Variants in CASK observed in about 807,000 individuals in gnomAD.
CASK encodes peripheral plasma membrane protein CASK.
In CASK, 4 loss-of-function variants were observed where a neutral mutation model predicts 82.9. The observed-to-expected ratio is 0.05, with a 90% CI of 0.02 to 0.11. The LOEUF is 0.11. CASK is among the 10% of genes least tolerant of loss of function. The pLI, the probability that CASK is intolerant of heterozygous loss-of-function variation, is 1.00. For synonymous variants in CASK, 259 were observed against 253.5 expected, an observed-to-expected ratio of 1.02 and a Z score of -0.20; for missense variants, 358 against 720.9, an observed-to-expected ratio of 0.50 and a Z score of 5.76.
intron 1 of CASK, among the ~76,000 whole-genome samples, chrX:41,909,797 A>G (rs1415875697): frequency 3.6e-5 from 4 of 111,658 alleles, no homozygotes; most frequent in African/African-American, 1.3e-4. Flanking sequence ...AGTAGAGACG[A>G]GGTTTCACCA....
chrX:41,802,504 A>G (rs1215984387), intron 2 of CASK, among the ~76,000 whole-genome samples: 14 of 112,431 alleles, frequency 1.2e-4, no homozygotes, highest in African/African-American at 3.5e-4. Context: ...GAAATATTTT[A>G]AAGAATTTCT....
At chrX:41,888,838 T>C (rs937836428) in intron 1 of CASK, among the ~76,000 whole-genome samples, 4 of 107,294 alleles carry the variant, frequency 3.7e-5, no homozygotes, top group African/African-American at 1.4e-4. Flanking sequence ...TGTATATATA[T>C]GTGTGTGTGT....
chrX:41,559,483 C>T (rs1303602806), intron 18 of CASK: 6 of 299,935 alleles, frequency 2.0e-5, no homozygotes, highest in Non-Finnish European at 3.5e-5. Context: ...AGTTTTTTTC[C>T]CTCAGACACT....
At chrX:41,655,111 C>T (rs1044813372) in intron 8 of CASK, among the ~76,000 whole-genome samples, 2 of 109,593 alleles carry the variant, frequency 1.8e-5, no homozygotes, top group Non-Finnish European at 3.8e-5. Context: ...TTTTATGGAA[C>T]TGGATAATTA....
chrX:41,700,931 CAA>C (rs1215266415), intron 5 of CASK, among the ~76,000 whole-genome samples: 5 of 37,126 alleles, frequency 1.3e-4, no homozygotes, highest in African/African-American at 2.3e-4. Flanking sequence ...GACTCCGTCT[CAA>C]AAAAAAAAAA....
At chrX:41,564,273 A>G (rs1428000527) in intron 16 of CASK, among the ~76,000 whole-genome samples, 1 of 112,945 alleles carries the variant, frequency 8.9e-6, no homozygotes, top group Non-Finnish European at 1.9e-5. Flanking sequence ...AACTAAGAAT[A>G]TAAAGGAACT....
chrX:41,906,937 T>C (rs186526921), intron 1 of CASK, among the ~76,000 whole-genome samples: 2 of 113,057 alleles, frequency 1.8e-5, no homozygotes, highest in Admixed American at 9.3e-5. Flanking sequence ...TTCCAGTAGA[T>C]AGGTTGCCTT....
rs2067710860 is a variant in CASK at position 41,697,475 on chromosome X, A to T, written c.430-25945T>A. The stretch of plus-strand genomic sequence containing the variant: ...TAACATTGAACATGCATATTCTGTG[A>T]TCCAGCAAGTCATCTACAAGGTATA... On this transcript the variant is annotated intron_variant, in intron 5 of 26. Coordinates refer to ENST00000378163, the MANE Select transcript of CASK (RefSeq NM_001367721.1). 3 of 113,063 alleles carry T rather than the reference A, an allele frequency of 2.7e-5. No individual in the cohort carries two copies. In the South Asian group the frequency reaches 1.1e-3, roughly 41 times the overall value. 9.3% of individuals were successfully genotyped at this position (113,063 alleles called of 1,213,427 possible). A position where few individuals can be genotyped will look rare whatever the true frequency, so the allele number is the denominator to read the frequency against.
intron 1 of CASK, among the ~76,000 whole-genome samples, chrX:41,888,111 C>CA (rs750137981): frequency 2.6e-3 from 288 of 111,718 alleles, no homozygotes; most frequent in African/African-American, 8.9e-3. Context: ...ATAGCAGCCA[C>CA]AGGTAGCTCC....
intron 5 of CASK, among the ~76,000 whole-genome samples, chrX:41,732,961 T>C (rs1398015704): frequency 9.3e-6 from 1 of 107,977 alleles, no homozygotes; most frequent in Admixed American, 9.9e-5. Context: ...AGGTCAGGAG[T>C]TCGAGATCAG....
At chrX:41,893,872 CATTA>C (rs1364265739) in intron 1 of CASK, among the ~76,000 whole-genome samples, 1 of 112,312 alleles carries the variant, frequency 8.9e-6, no homozygotes, top group East Asian at 2.8e-4. Flanking sequence ...CCAGGCAAGT[CATTA>C]AGCAATGGAA....
At chrX:41,895,891 GC>G (rs1269656373) in intron 1 of CASK, among the ~76,000 whole-genome samples, 1 of 110,872 alleles carries the variant, frequency 9.0e-6, no homozygotes, top group Non-Finnish European at 1.9e-5. Flanking sequence ...GTGGGGGGAT[GC>G]TGAAAAATTG....
chrX:41,909,091 G>A (rs1021233508), intron 1 of CASK, among the ~76,000 whole-genome samples: 2 of 111,988 alleles, frequency 1.8e-5, no homozygotes, highest in Admixed American at 1.9e-4. Context: ...CCCTTGGAGG[G>A]TTTGTTACAA....
chrX:41,661,786 T>C (rs1236699553), intron 7 of CASK, among the ~76,000 whole-genome samples: 1 of 110,052 alleles, frequency 9.1e-6, no homozygotes, highest in African/African-American at 3.3e-5. Flanking sequence ...CCGGGCACAG[T>C]GGCTCATGCC....
intron 2 of CASK, among the ~76,000 whole-genome samples, chrX:41,843,213 G>A (rs971807933): frequency 3.0e-4 from 34 of 111,930 alleles, no homozygotes; most frequent in Non-Finnish European, 2.3e-4. Context: ...GAATAAACAT[G>A]TTGAGAACAG....
chrX:41,850,348 A>G (rs2071238882), intron 2 of CASK, among the ~76,000 whole-genome samples: 2 of 111,551 alleles, frequency 1.8e-5, no homozygotes, highest in African/African-American at 6.5e-5. Flanking sequence ...AATAAATAGC[A>G]TATGGTAGGT....
chrX:41,828,859 G>A (rs2070725891), intron 2 of CASK, among the ~76,000 whole-genome samples: 1 of 112,081 alleles, frequency 8.9e-6, no homozygotes, highest in African/African-American at 3.2e-5. Flanking sequence ...CCTGTACATG[G>A]AGTCACTCTG....
intron 16 of CASK, chrX:41,562,887 C>T (rs2065249320): frequency 9.5e-6 from 1 of 105,667 alleles, no homozygotes; most frequent in Non-Finnish European, 1.9e-5. Flanking sequence ...GGTGAAACCC[C>T]GTCTCTACTA....
chrX:41,844,750 C>A (rs1389517431), intron 2 of CASK, among the ~76,000 whole-genome samples: 4 of 111,460 alleles, frequency 3.6e-5, no homozygotes, highest in Non-Finnish European at 7.6e-5. Context: ...GTTTAGTTTT[C>A]TTTTCCAGTT....
Sources: allele counts gnomAD v4.1 joint callset (sites outside exome capture counted in the v4.1 genomes callset), GRCh38; gene constraint gnomAD v4.1.1; transcripts MANE v1.5; gene names NCBI Gene and HGNC (gene_info 2026-07-23, HGNC 2026-07-21).